NKAIN2: variants seen among roughly 807,000 people sequenced by gnomAD.
The protein encoded by NKAIN2 is sodium/potassium-transporting ATPase subunit beta-1-interacting protein 2.
A neutral mutation model predicts 32.6 loss-of-function variants in NKAIN2; 14 were observed. The ratio of observed to expected loss-of-function variants is 0.43; its 90% CI spans 0.28 to 0.67. The LOEUF (loss-of-function observed/expected upper bound fraction) is 0.67. Among genes scored for constraint, NKAIN2 ranks in the 30% least tolerant of loss-of-function variants. The pLI, the probability that NKAIN2 is intolerant of heterozygous loss-of-function variation, is 0.17. For missense variants in NKAIN2, 198 were observed against 258.3 expected, an observed-to-expected ratio of 0.77 and a Z score of 1.60; for synonymous variants, 80 against 87.2, an observed-to-expected ratio of 0.92 and a Z score of 0.46.
In NKAIN2 at chr6:124,133,863, T is replaced by TA. The variant is rs555687182; in HGVS notation, c.55-149134dup. ...ACGAGGGGAAAAAAGAAATTTAAAT[T>TA]AAAAAAAATACAGTCCAATTAAAAA... On this transcript the variant is annotated intron_variant, in intron 1 of 6. Transcript: ENST00000368417. Among the ~76,000 whole-genome samples the TA allele has an allele frequency of 9.0e-3, 1,363 of 151,500 alleles. 10 individuals are homozygous for TA. Among genetic ancestry groups the TA allele is most frequent in the Non-Finnish European group, 0.011 (773 of 67,866 alleles).
chr6:123,808,564 A>G (rs898395924), intron 1 of NKAIN2, among the ~76,000 whole-genome samples: 1 of 152,186 alleles, frequency 6.6e-6, no homozygotes, highest in Non-Finnish European at 1.5e-5. Context: ...TCCAGTGTCC[A>G]ACTCTTCTTT....
At chr6:123,843,337 T>G (rs1324208865) in intron 1 of NKAIN2, among the ~76,000 whole-genome samples, 1 of 152,116 alleles carries the variant, frequency 6.6e-6, no homozygotes, top group Non-Finnish European at 1.5e-5. Flanking sequence ...GGAAAGGGGA[T>G]GGAGCAAGAA....
At chr6:124,440,139 C>T (rs1160079502) in intron 3 of NKAIN2, among the ~76,000 whole-genome samples, 1 of 152,058 alleles carries the variant, frequency 6.6e-6, no homozygotes, top group African/African-American at 2.4e-5. Flanking sequence ...AGAGAGCAGA[C>T]ATGACCTTGA....
chr6:124,781,318 G>T (rs1311561826), intron 4 of NKAIN2, among the ~76,000 whole-genome samples: 2 of 152,078 alleles, frequency 1.3e-5, no homozygotes, highest in Non-Finnish European at 2.9e-5. Context: ...ATAAATAATA[G>T]ATGATGATAG....
intron 1 of NKAIN2, among the ~76,000 whole-genome samples, chr6:123,885,785 A>T (rs1582714304): frequency 6.6e-6 from 1 of 152,168 alleles, no homozygotes; most frequent in East Asian, 1.9e-4. Context: ...ATTGCCTCTT[A>T]CTTAGTATGA....
chr6:124,698,956 T>C (rs1421508577), intron 4 of NKAIN2, among the ~76,000 whole-genome samples: 2 of 152,216 alleles, frequency 1.3e-5, no homozygotes, highest in Non-Finnish European at 2.9e-5. Context: ...TTACTTGTGA[T>C]CCAGGCCTAG....
chr6:124,687,945 A>G (rs966477678), intron 4 of NKAIN2, among the ~76,000 whole-genome samples: 7 of 151,542 alleles, frequency 4.6e-5, no homozygotes, highest in Non-Finnish European at 1.0e-4. Flanking sequence ...CTGCCTTTTT[A>G]TCACTGATTA....
intron 5 of NKAIN2, among the ~76,000 whole-genome samples, chr6:124,812,060 T>C (rs565779504): frequency 6.6e-6 from 1 of 152,192 alleles, no homozygotes; most frequent in Non-Finnish European, 1.5e-5. Context: ...TAACACTCGA[T>C]AGCATTCATC....
intron 3 of NKAIN2, among the ~76,000 whole-genome samples, chr6:124,464,337 C>T (rs1362368703): frequency 6.6e-6 from 1 of 151,922 alleles, no homozygotes; most frequent in African/African-American, 2.4e-5. Context: ...GATATAATCT[C>T]CCATTCTTTA....
chr6:124,071,143 C>T (rs940737641), intron 1 of NKAIN2, among the ~76,000 whole-genome samples: 1 of 151,948 alleles, frequency 6.6e-6, no homozygotes, highest in Non-Finnish European at 1.5e-5. Context: ...AAAGAGAGAA[C>T]CCAGTAATAA....
intron 2 of NKAIN2, among the ~76,000 whole-genome samples, chr6:124,346,328 G>A (rs1798422443): frequency 6.6e-6 from 1 of 152,154 alleles, no homozygotes; most frequent in African/African-American, 2.4e-5. Context: ...AGGGTGGAGA[G>A]TTCTGTAGAT....
At chr6:124,710,041 C>T (rs1238732275) in intron 4 of NKAIN2, among the ~76,000 whole-genome samples, 14 of 151,962 alleles carry the variant, frequency 9.2e-5, no homozygotes, top group Admixed American at 5.9e-4. Flanking sequence ...TCTTTGTTCT[C>T]GTTGGTTTCA....
intron 1 of NKAIN2, among the ~76,000 whole-genome samples, chr6:123,816,102 C>G (rs899087144): frequency 1.3e-5 from 2 of 151,826 alleles, no homozygotes; most frequent in Non-Finnish European, 2.9e-5. Flanking sequence ...AAAAGAGTAT[C>G]CCAGGTGGAA....
rs181141616 is a variant in NKAIN2 at position 124,790,183 on chromosome 6, T to C, written c.475-1156T>C. The stretch of plus-strand genomic sequence containing the variant: ...AATCCAAATTAGGGACTTAAAAGTT[T>C]CTTTTCACCAGAGGCCACTTTGTCT... On this transcript the variant is annotated intron_variant, in intron 4 of 6. Coordinates refer to ENST00000368417, the MANE Select transcript of NKAIN2 (RefSeq NM_001040214.3). Among the ~76,000 whole-genome samples, 959 of 152,240 alleles carry C rather than the reference T, an allele frequency of 6.3e-3. 4 individuals carry two copies. Among genetic ancestry groups the C allele is most frequent in the Non-Finnish European group, 0.01 (702 of 68,002 alleles).
chr6:124,108,912 C>T (rs1229596925), intron 1 of NKAIN2, among the ~76,000 whole-genome samples: 1 of 151,926 alleles, frequency 6.6e-6, no homozygotes, highest in African/African-American at 2.4e-5. Flanking sequence ...TATCTTTATG[C>T]CAGTACCATA....
At position 124,514,189 on chromosome 6, in the gene NKAIN2, GC is replaced by G. The variant is rs141060598; in HGVS notation, c.274-143995del. Reference sequence around the variant, plus strand: ...TCATAATGGATTTTTGACTGTTCCAGCCTACAGTTCTTTCAAAGTAGTTATT... The same window carrying G: ...TCATAATGGATTTTTGACTGTTCCAGCTACAGTTCTTTCAAAGTAGTTATT... On this transcript the variant is annotated intron_variant, in intron 3 of 6. Transcript: ENST00000368417. Among the ~76,000 whole-genome samples, 370 of 152,240 alleles carry G rather than the reference GC, an allele frequency of 2.4e-3. 2 individuals are homozygous for G. Among genetic ancestry groups the G allele is most frequent in the African/African-American group, 7.6e-3 (316 of 41,554 alleles).
intron 3 of NKAIN2, among the ~76,000 whole-genome samples, chr6:124,374,568 C>T (rs1425820612): frequency 6.6e-6 from 1 of 152,092 alleles, no homozygotes; most frequent in Non-Finnish European, 1.5e-5. Flanking sequence ...AGAGACCTGA[C>T]TAGCGAGAAA....
At chr6:124,731,002 C>T (rs1776637253) in intron 4 of NKAIN2, among the ~76,000 whole-genome samples, 1 of 143,416 alleles carries the variant, frequency 7.0e-6, no homozygotes, top group South Asian at 2.4e-4. Context: ...AAATCAAAAC[C>T]ACAATGAGAT....
chr6:124,808,103 A>G (rs989010761), intron 5 of NKAIN2, among the ~76,000 whole-genome samples: 2 of 151,968 alleles, frequency 1.3e-5, no homozygotes, highest in Non-Finnish European at 2.9e-5. Flanking sequence ...CAATCAATAG[A>G]AAAAGAGGGA....
Sources: allele counts gnomAD v4.1 joint callset (sites outside exome capture counted in the v4.1 genomes callset), GRCh38; gene constraint gnomAD v4.1.1; transcripts MANE v1.5; gene names NCBI Gene and HGNC (gene_info 2026-07-23, HGNC 2026-07-21).